CPNE4: variants seen among roughly 807,000 people sequenced by gnomAD.
CPNE4 encodes copine 4.
Under a neutral mutation model 67.9 loss-of-function variants are expected in CPNE4, and 25 were observed. The observed-to-expected ratio is 0.37, with a 90% CI of 0.27 to 0.51. The LOEUF (loss-of-function observed/expected upper bound fraction) is 0.51. Among genes scored for constraint, CPNE4 ranks in the 20% least tolerant of loss-of-function variants. CPNE4 has a pLI of 0.93. For synonymous variants in CPNE4, 242 were observed against 244.9 expected (o/e 0.99, Z 0.11); for missense variants, 464 against 690.8 (o/e 0.67, Z 3.68).
rs80252797 is a variant in CPNE4 at position 131,592,950 on chromosome 3, T to C, written c.682-5368A>G. Among the ~76,000 whole-genome samples the C allele has an allele frequency of 2.8e-3, 434 of 152,326 alleles. 2 individuals carry two copies. The highest frequency in any genetic ancestry group is 9.9e-3 in the African/African-American group (411 of 41,576). ...GGGATCGGGTTACTCCCTCCTACTC[T>C]TGTTTTATGATTGCCTTGAACCCAT... On this transcript the variant is annotated intron_variant, in intron 7 of 15. Coordinates refer to ENST00000429747, the MANE Select transcript of CPNE4 (RefSeq NM_130808.3).
At chr3:131,852,376 G>T (rs898688449) in intron 2 of CPNE4, among the ~76,000 whole-genome samples, 3 of 151,954 alleles carry the variant, frequency 2.0e-5, no homozygotes, top group African/African-American at 4.8e-5. Flanking sequence ...ATTTGAAAAT[G>T]AATCAATAGA....
chr3:131,572,649 TTA>T (rs1177116140), intron 10 of CPNE4, among the ~76,000 whole-genome samples: 1 of 151,756 alleles, frequency 6.6e-6, no homozygotes, highest in Non-Finnish European at 1.5e-5. Flanking sequence ...ATCCAGAACT[TTA>T]TGTCACCTCT....
intron 2 of CPNE4, among the ~76,000 whole-genome samples, chr3:131,891,461 G>T (rs1229888983): frequency 6.6e-6 from 1 of 151,848 alleles, no homozygotes; most frequent in African/African-American, 2.4e-5. Flanking sequence ...ACACATGCAG[G>T]TTTGTTACAC....
intron 1 of CPNE4, among the ~76,000 whole-genome samples, chr3:132,015,953 A>T (rs1331898016): frequency 6.6e-6 from 1 of 152,244 alleles, no homozygotes; most frequent in Non-Finnish European, 1.5e-5. Flanking sequence ...TATTGAAACT[A>T]TATGATTTGA....
intron 4 of CPNE4, among the ~76,000 whole-genome samples, chr3:131,698,608 TAAA>T (rs556686311): frequency 2.9e-5 from 4 of 137,788 alleles, no homozygotes; most frequent in East Asian, 2.1e-4. Flanking sequence ...TTCCTGTGCT[TAAA>T]AAAAAAAAAA....
intron 2 of CPNE4, among the ~76,000 whole-genome samples, chr3:131,833,201 A>T (rs1356164074): frequency 1.3e-5 from 2 of 152,192 alleles, no homozygotes; most frequent in African/African-American, 4.8e-5. Flanking sequence ...TATGTTGTTT[A>T]TTAGCCACCC....
intron 2 of CPNE4, among the ~76,000 whole-genome samples, chr3:131,879,602 A>G (rs73206018): frequency 9.9e-5 from 15 of 152,136 alleles, no homozygotes; most frequent in African/African-American, 3.1e-4. Context: ...AAAAGTTTCC[A>G]TAATTCAAAG....
At chr3:131,809,610 T>C (rs938504768) in intron 2 of CPNE4, among the ~76,000 whole-genome samples, 3 of 152,110 alleles carry the variant, frequency 2.0e-5, no homozygotes, top group Non-Finnish European at 4.4e-5. Context: ...TAGATAAGAT[T>C]GACAATTGAA....
intron 2 of CPNE4, among the ~76,000 whole-genome samples, chr3:131,869,138 C>A (rs924949657): frequency 6.6e-6 from 1 of 152,144 alleles, no homozygotes; most frequent in Non-Finnish European, 1.5e-5. Flanking sequence ...CTCAACCCCT[C>A]CATATCAGCT....
At chr3:131,850,557 A>G (rs2086201598) in intron 2 of CPNE4, among the ~76,000 whole-genome samples, 1 of 152,154 alleles carries the variant, frequency 6.6e-6, no homozygotes, top group African/African-American at 2.4e-5. Flanking sequence ...TTCTCATCTT[A>G]TGCAAGGAGC....
chr3:131,667,294 G>A (rs112371836), intron 7 of CPNE4, among the ~76,000 whole-genome samples: 282 of 152,270 alleles, frequency 1.9e-3, no homozygotes, highest in African/African-American at 6.5e-3. Context: ...ATAGGTTCTT[G>A]AGGAGTTTAA....
chr3:131,538,474 A>C (rs1277447207), intron 15 of CPNE4, among the ~76,000 whole-genome samples: 1 of 152,224 alleles, frequency 6.6e-6, no homozygotes, highest in Admixed American at 6.5e-5. Flanking sequence ...GCTGGTAATA[A>C]CAGTAATAAA....
intron 7 of CPNE4, among the ~76,000 whole-genome samples, chr3:131,626,663 A>C (rs1278949615): frequency 6.6e-6 from 1 of 152,260 alleles, no homozygotes; most frequent in Non-Finnish European, 1.5e-5. Flanking sequence ...AAGCTAAAGC[A>C]TGTAACCCAG....
chr3:131,660,666 T>C (rs1048551477), intron 7 of CPNE4, among the ~76,000 whole-genome samples: 9 of 152,214 alleles, frequency 5.9e-5, no homozygotes, highest in African/African-American at 2.2e-4. Context: ...ACTGACTAGC[T>C]CTGTGAATTT....
intron 9 of CPNE4, 119 bp from the exon 10 acceptor site, chr3:131,575,249 A>G (rs1163091122): frequency 1.3e-5 from 10 of 787,310 alleles, no homozygotes; most frequent in Admixed American, 6.3e-5. Context: ...GCAGACAGAC[A>G]TCATTGAAAA....
chr3:131,866,562 G>A (rs9858200), intron 2 of CPNE4, among the ~76,000 whole-genome samples: 27,072 of 152,210 alleles, frequency 0.18, 3,044 homozygotes, highest in Non-Finnish European at 0.24. Context: ...GCCAGCCCTA[G>A]ATTCAAGGGA....
intron 13 of CPNE4, 114 bp downstream of exon 13, chr3:131,552,326 A>C: frequency 2.3e-6 from 2 of 865,804 alleles, no homozygotes; most frequent in Non-Finnish European, 3.8e-6. Context: ...TACAGAAAGC[A>C]GAGATTCTGT....
chr3:131,565,396 T>C (rs757417004), intron 10 of CPNE4, among the ~76,000 whole-genome samples: 2 of 152,046 alleles, frequency 1.3e-5, no homozygotes, highest in Non-Finnish European at 2.9e-5. Context: ...TAATGGGAAA[T>C]GTTATTTGTG....
chr3:132,034,407 T>C (rs2074303641), intron 1 of CPNE4, among the ~76,000 whole-genome samples, 160 bp downstream of exon 1: 1 of 152,216 alleles, frequency 6.6e-6, no homozygotes, highest in Admixed American at 6.5e-5. Flanking sequence ...AAGACGTTGC[T>C]TGCTGCTGCT....
Sources: gnomAD v4.1 joint callset for allele counts (sites outside exome capture counted in the v4.1 genomes callset) on GRCh38, gnomAD v4.1.1 for gene constraint, MANE v1.5 for transcripts, NCBI Gene and HGNC (gene_info 2026-07-23, HGNC 2026-07-21) for gene names.